AJAP1: variants seen among roughly 807,000 people sequenced by gnomAD.
AJAP1 encodes adherens junctions associated protein 1.
Under a neutral mutation model 35.0 loss-of-function variants are expected in AJAP1, and 5 were observed. The ratio of observed to expected loss-of-function variants is 0.14; its 90% CI spans 0.07 to 0.30. The LOEUF (loss-of-function observed/expected upper bound fraction) is 0.30. AJAP1 is among the 10% of genes least tolerant of loss of function. The pLI is 1.00. For synonymous variants in AJAP1, 284 were observed against 249.3 expected (o/e 1.14, Z -1.31); for missense variants, 586 against 571.0 (o/e 1.03, Z -0.27).
intron 2 of AJAP1, among the ~76,000 whole-genome samples, chr1:4,759,473 T>G (rs1641515106): frequency 6.6e-6 from 1 of 152,238 alleles, no homozygotes; most frequent in African/African-American, 2.4e-5. Flanking sequence ...TCTGGACCAC[T>G]GACTGCATTG....
At chr1:4,711,844 C>G (rs1288746916) in intron 1 of AJAP1, 56 bp from the exon 2 acceptor site, 1 of 1,363,632 alleles carries the variant, frequency 7.3e-7, no homozygotes, top group African/African-American at 1.5e-5. Context: ...CCCCGGGGCC[C>G]AGTCCCCCTC....
At chr1:4,695,540 C>T (rs1211026505) in intron 1 of AJAP1, among the ~76,000 whole-genome samples, 1 of 152,156 alleles carries the variant, frequency 6.6e-6, no homozygotes, top group Non-Finnish European at 1.5e-5. Context: ...TCAGGCTGGC[C>T]TGGCTGCTGT....
At chr1:4,704,679 G>C (rs1474426504) in intron 1 of AJAP1, among the ~76,000 whole-genome samples, 1 of 152,118 alleles carries the variant, frequency 6.6e-6, no homozygotes, top group Non-Finnish European at 1.5e-5. Context: ...CCCAGTCATG[G>C]GATGGCTGGG....
At chr1:4,721,706 A>T (rs1340872905) in intron 2 of AJAP1, among the ~76,000 whole-genome samples, 5 of 152,190 alleles carry the variant, frequency 3.3e-5, no homozygotes, top group Admixed American at 6.5e-5. Context: ...TTGGGCAAAG[A>T]TGGCTAAAGG....
chr1:4,700,297 C>G (rs2100243038), intron 1 of AJAP1, among the ~76,000 whole-genome samples: 1 of 152,268 alleles, frequency 6.6e-6, no homozygotes, highest in South Asian at 2.1e-4. Flanking sequence ...CCTGGGGACA[C>G]TCCTCAGCTC....
intron 1 of AJAP1, among the ~76,000 whole-genome samples, chr1:4,697,489 A>G (rs72638805): frequency 0.058 from 8,815 of 152,318 alleles, 349 homozygotes; most frequent in Middle Eastern, 0.092. Flanking sequence ...GGCTGGTACT[A>G]TAGTGACATC....
intron 2 of AJAP1, among the ~76,000 whole-genome samples, chr1:4,751,028 G>A (rs1641308553): frequency 6.6e-6 from 1 of 151,740 alleles, no homozygotes; most frequent in South Asian, 2.1e-4. Flanking sequence ...GTCACCACTC[G>A]ATAGTGACCA....
chr1:4,705,798 G>T (rs114675417), intron 1 of AJAP1, among the ~76,000 whole-genome samples: 1 of 152,184 alleles, frequency 6.6e-6, no homozygotes, highest in African/African-American at 2.4e-5. Flanking sequence ...ACAGCCAAGA[G>T]GAGCCAAACG....
rs567860509 is a variant in AJAP1, at chr1:4,665,073, G to A, written c.29+9619G>A. Among the ~76,000 whole-genome samples the A allele has an allele frequency of 3.3e-5, 5 of 152,086 alleles. No individual in the cohort carries two copies. In the South Asian group the frequency reaches 6.2e-4, roughly 19 times the overall value. On this transcript the variant is annotated intron_variant, in intron 1 of 5. Coordinates refer to ENST00000378191, the MANE Select transcript of AJAP1 (RefSeq NM_018836.4). ...TGGTAAAATGCGGAAAAAGCCCCAC[G>A]AGAGCTGGTTTTCAGTCGACGCCCC...
chr1:4,718,534 G>C (rs1640446832), intron 2 of AJAP1, among the ~76,000 whole-genome samples: 1 of 151,296 alleles, frequency 6.6e-6, no homozygotes, highest in African/African-American at 2.4e-5. Flanking sequence ...CACCAGGCTG[G>C]AGTGCAGTGG....
At chr1:4,752,425 A>G (rs1211586177) in intron 2 of AJAP1, among the ~76,000 whole-genome samples, 4 of 152,180 alleles carry the variant, frequency 2.6e-5, no homozygotes, top group Non-Finnish European at 4.4e-5. Flanking sequence ...CCCAGAGCCG[A>G]TGGGATGGCC....
chr1:4,670,580 C>T (rs575732473), intron 1 of AJAP1, among the ~76,000 whole-genome samples: 11 of 152,280 alleles, frequency 7.2e-5, no homozygotes, highest in Non-Finnish European at 1.5e-4. Flanking sequence ...CTGGAAGCAG[C>T]GTTCTTGCTG....
At chr1:4,694,176 G>A (rs1639805533) in intron 1 of AJAP1, among the ~76,000 whole-genome samples, 1 of 117,782 alleles carries the variant, frequency 8.5e-6, no homozygotes, top group Non-Finnish European at 1.8e-5. Context: ...AGGGGCACGG[G>A]TGCCAGTCTG....
At chr1:4,719,700 C>G (rs1640476006) in intron 2 of AJAP1, among the ~76,000 whole-genome samples, 1 of 152,218 alleles carries the variant, frequency 6.6e-6, no homozygotes, top group South Asian at 2.1e-4. Flanking sequence ...GGTCCCTCCT[C>G]TAGCTCCGAA....
rs1642196073 is a variant in AJAP1 at position 4,788,001 on chromosome 1, ATTAT to A, written c.*5519_*5522del. On this transcript the variant is annotated 3_prime_UTR_variant, in exon 6 of 6. Transcript: ENST00000378191. ...ATTTGCTCTACCATACTGTTTTTTG[ATTAT>A]TTGTTTGTTTTCTAGTGTAAATAGC... 2 of 304,542 alleles carry A rather than the reference ATTAT, an allele frequency of 6.6e-6. No homozygotes were observed. The highest frequency in any genetic ancestry group is 2.7e-5 in the South Asian group (1 of 37,628). 18.9% of individuals were successfully genotyped at this position (304,542 alleles called of 1,614,324 possible).
chr1:4,719,306 CCCT>C (rs1288431615), intron 2 of AJAP1, among the ~76,000 whole-genome samples: 2 of 152,078 alleles, frequency 1.3e-5, no homozygotes, highest in Non-Finnish European at 2.9e-5. Flanking sequence ...AAAACATGGC[CCCT>C]CCTCCTCTTT....
chr1:4,682,834 G>C (rs919164389), intron 1 of AJAP1, among the ~76,000 whole-genome samples: 1 of 152,106 alleles, frequency 6.6e-6, no homozygotes, highest in African/African-American at 2.4e-5. Context: ...TGGTGGTGTT[G>C]GTGATGGTGA....
chr1:4,660,026 C>G (rs1374634912), intron 1 of AJAP1, among the ~76,000 whole-genome samples: 2 of 152,260 alleles, frequency 1.3e-5, no homozygotes, highest in African/African-American at 4.8e-5. Flanking sequence ...CTGCTACTCT[C>G]AGCACGCTGC....
At chr1:4,696,605 C>T (rs79829446) in intron 1 of AJAP1, among the ~76,000 whole-genome samples, 5 of 152,232 alleles carry the variant, frequency 3.3e-5, no homozygotes, top group East Asian at 1.9e-4. Flanking sequence ...GTGGCCAAGG[C>T]GGTGGGATTT....
Sources: gnomAD v4.1 joint callset for allele counts (sites outside exome capture counted in the v4.1 genomes callset) on GRCh38, gnomAD v4.1.1 for gene constraint, MANE v1.5 for transcripts, NCBI Gene and HGNC (gene_info 2026-07-23, HGNC 2026-07-21) for gene names.